The following SLC39A11 variants were observed in gnomAD, a reference collection of about 807,000 sequenced individuals.
SLC39A11 encodes solute carrier family 39 member 11.
In SLC39A11, 33 loss-of-function variants were observed where a neutral mutation model predicts 36.1. That is an observed-to-expected ratio of 0.91 (90% confidence interval 0.69 to 1.22). SLC39A11 has a LOEUF of 1.22. SLC39A11 is among the 50% of genes most tolerant of loss of function. The pLI is 0.00. For synonymous variants in SLC39A11, 166 were observed against 170.3 expected (o/e 0.97, Z 0.20); for missense variants, 432 against 430.3 (o/e 1.00, Z -0.03).
chr17:72,738,666 C>T (rs935571269), intron 6 of SLC39A11, among the ~76,000 whole-genome samples: 2 of 152,198 alleles, frequency 1.3e-5, no homozygotes, highest in Non-Finnish European at 2.9e-5. Context: ...CCCCTCGATC[C>T]AAACACGAAG....
At chr17:72,888,934 G>C (rs987233997) in intron 5 of SLC39A11, among the ~76,000 whole-genome samples, 2 of 152,082 alleles carry the variant, frequency 1.3e-5, no homozygotes, top group African/African-American at 4.8e-5. Context: ...AAAAACGAAA[G>C]TGTAGACAGG....
At chr17:72,762,808 A>T (rs781573062) in intron 6 of SLC39A11, among the ~76,000 whole-genome samples, 2 of 151,814 alleles carry the variant, frequency 1.3e-5, no homozygotes, top group African/African-American at 4.8e-5. Context: ...ACTCAAACAG[A>T]ACTCTTTCTC....
At chr17:73,083,415 G>C (rs936966328) in intron 3 of SLC39A11, among the ~76,000 whole-genome samples, 1 of 152,192 alleles carries the variant, frequency 6.6e-6, no homozygotes, top group Non-Finnish European at 1.5e-5. Flanking sequence ...TCCACCTCCA[G>C]GCTAGTTTTT....
chr17:72,721,047 A>C (rs1299841309), intron 7 of SLC39A11, among the ~76,000 whole-genome samples: 3 of 150,554 alleles, frequency 2.0e-5, no homozygotes, highest in Admixed American at 1.3e-4. Context: ...TTCTGGGGCC[A>C]GAGACTAGAC....
At chr17:72,978,123 A>G (rs919882391) in intron 4 of SLC39A11, among the ~76,000 whole-genome samples, 3 of 152,222 alleles carry the variant, frequency 2.0e-5, no homozygotes, top group African/African-American at 4.8e-5. Context: ...TCTAGTGAGA[A>G]TCTGGGCTGT....
intron 4 of SLC39A11, among the ~76,000 whole-genome samples, chr17:73,005,676 T>C (rs1598816102): frequency 6.6e-6 from 1 of 152,188 alleles, no homozygotes; most frequent in Non-Finnish European, 1.5e-5. Flanking sequence ...ACCTCAGCCA[T>C]GGTGGCTCAC....
intron 4 of SLC39A11, among the ~76,000 whole-genome samples, chr17:72,977,175 T>G (rs1184961833): frequency 6.6e-6 from 1 of 152,168 alleles, no homozygotes; most frequent in Non-Finnish European, 1.5e-5. Flanking sequence ...GCCTGAGCCA[T>G]GACTGGCTGA....
chr17:72,808,476 C>T (rs2077331020), intron 6 of SLC39A11, among the ~76,000 whole-genome samples: 1 of 152,148 alleles, frequency 6.6e-6, no homozygotes, highest in South Asian at 2.1e-4. Flanking sequence ...CTGAAACTGG[C>T]TTTGTAAGAC....
intron 4 of SLC39A11, among the ~76,000 whole-genome samples, chr17:72,984,702 G>A (rs1182065831): frequency 2.0e-5 from 3 of 152,336 alleles, no homozygotes; most frequent in East Asian, 1.9e-4. Context: ...GTGAAGCAAC[G>A]CCTTTTACAG....
chr17:72,722,307 C>T (rs1003211064), intron 7 of SLC39A11, among the ~76,000 whole-genome samples: 6 of 152,190 alleles, frequency 3.9e-5, no homozygotes, highest in African/African-American at 1.4e-4. Flanking sequence ...CAAGGGAACA[C>T]ATTTTAAAAA....
intron 5 of SLC39A11, among the ~76,000 whole-genome samples, chr17:72,858,117 C>CGT (rs2079757052): frequency 6.6e-6 from 1 of 152,084 alleles, no homozygotes; most frequent in Non-Finnish European, 1.5e-5. Flanking sequence ...GGGTTTTAGA[C>CGT]TTAAGTCTTG....
rs544897790 is a variant in SLC39A11, at chr17:72,918,868, G to A, written c.430+28884C>T. On this transcript the variant is annotated intron_variant, in intron 5 of 9. Coordinates refer to ENST00000255559, the MANE Select transcript of SLC39A11 (RefSeq NM_139177.4). ...ACTTGAGGTCAGGAGTTTGAGATCAGCCTGGCCAACATGGTGAAACCCCAT... is the reference window on the plus strand; with the variant it reads ...ACTTGAGGTCAGGAGTTTGAGATCAACCTGGCCAACATGGTGAAACCCCAT... Among the ~76,000 whole-genome samples the A allele has an allele frequency of 5.3e-5, 8 of 152,178 alleles. No individual in the cohort carries two copies. In the South Asian group the frequency reaches 1.7e-3, roughly 32 times the overall value.
intron 7 of SLC39A11, among the ~76,000 whole-genome samples, chr17:72,669,736 G>A (rs2070911197): frequency 1.3e-5 from 2 of 152,030 alleles, no homozygotes. Context: ...GCTTAAGCCT[G>A]TAATCCTAAT....
At chr17:72,847,403 T>TA (rs5821924) in intron 6 of SLC39A11, among the ~76,000 whole-genome samples, 123 of 141,526 alleles carry the variant, frequency 8.7e-4, no homozygotes, top group African/African-American at 2.0e-3. Flanking sequence ...CTCTGTCTCA[T>TA]AAAAAAAAAA....
intron 6 of SLC39A11, among the ~76,000 whole-genome samples, chr17:72,766,849 C>T (rs116193091): frequency 0.016 from 2,480 of 152,246 alleles, 58 homozygotes; most frequent in African/African-American, 0.055. Context: ...GTTGGCATGA[C>T]CATAAACCAC....
chr17:72,735,117 T>C (rs1177185112), intron 7 of SLC39A11, among the ~76,000 whole-genome samples: 1 of 152,184 alleles, frequency 6.6e-6, no homozygotes, highest in Non-Finnish European at 1.5e-5. Flanking sequence ...ATCATTTTAA[T>C]GAATGACTTG....
chr17:72,846,531 A>G (rs1156688821), intron 6 of SLC39A11, among the ~76,000 whole-genome samples: 2 of 152,162 alleles, frequency 1.3e-5, no homozygotes, highest in Non-Finnish European at 2.9e-5. Flanking sequence ...CCAAGTTGTC[A>G]CTGGAGTCAA....
chr17:72,910,221 G>T (rs1008574830), intron 5 of SLC39A11, among the ~76,000 whole-genome samples: 1 of 152,158 alleles, frequency 6.6e-6, no homozygotes, highest in African/African-American at 2.4e-5. Context: ...CCCTATCTGG[G>T]TGGTGGGGTC....
chr17:72,976,659 G>A (rs2087873225), intron 4 of SLC39A11, among the ~76,000 whole-genome samples: 1 of 152,162 alleles, frequency 6.6e-6, no homozygotes, highest in East Asian at 1.9e-4. Context: ...GACCATCCAG[G>A]CCAACATGGT....
Sources: allele counts gnomAD v4.1 joint callset (sites outside exome capture counted in the v4.1 genomes callset), GRCh38; gene constraint gnomAD v4.1.1; transcripts MANE v1.5; gene names NCBI Gene and HGNC (gene_info 2026-07-23, HGNC 2026-07-21).